AP3M1: variants seen among roughly 807,000 people sequenced by gnomAD.
AP3M1 encodes the protein adaptor related protein complex 3 subunit mu 1, also known as AP-3 complex subunit mu-1.
In AP3M1, 29 loss-of-function variants were observed where a neutral mutation model predicts 42.6. That is an observed-to-expected ratio of 0.68 (90% CI 0.51 to 0.93). The LOEUF (loss-of-function observed/expected upper bound fraction) is 0.93. Ranked by LOEUF, AP3M1 falls within the 40% of genes least tolerant of loss-of-function variation. The pLI is 0.00. For synonymous variants in AP3M1, 178 were observed against 175.3 expected (o/e 1.02, Z -0.12); for missense variants, 416 against 510.2 (o/e 0.82, Z 1.78).
Position 74,136,762 on chromosome 10 carries a change from A to G in AP3M1, c.315T>C (p.Asn105=), listed in dbSNP as rs1444055719. The G allele has an allele frequency of 6.4e-7, 1 of 1,552,392 alleles. No individual in the cohort carries two copies. The highest frequency in any genetic ancestry group is 1.7e-5 in the Admixed American group (1 of 58,348). Residue 105 remains asparagine, a synonymous_variant, in exon 3 of 9, where the codon AAT becomes AAC. Transcript: ENST00000355264. ...GECSEAAIKD[N]VVIVYELLEE... is the part of the protein sequence containing the mutation. ...CTAAGAGTTCATATACTATGACCAC[A>G]TTATCCTTAATTGCAGCCTCTGAAC...
chr10:74,126,179 T>C lies in AP3M1; in HGVS notation c.980A>G (p.Gln327Arg). 6.2e-7 allele frequency: 1 copy of C among 1,614,196 alleles called. No homozygotes were observed. ...GACTGGATCAAATGTATAGCTGCCT[T>C]GTGTGGGTGTCAGGTTCATGTTCAG... ...VVLNMNLTPTQGSYTFDPVTK... is the reference protein window; with the variant it reads ...VVLNMNLTPTRGSYTFDPVTK... Residue 327 changes from glutamine (Q) to arginine (R), a missense_variant, in exon 7 of 9, where the codon CAA (glutamine) becomes CGA (arginine). Coordinates refer to ENST00000355264, the MANE Select transcript of AP3M1 (RefSeq NM_012095.6).
In AP3M1 at chr10:74,139,220, A is replaced by AC. The variant is rs1491260834; in HGVS notation, c.-3-839_-3-838insG. Among the ~76,000 whole-genome samples the AC allele has an allele frequency of 2.3e-4, 35 of 151,114 alleles. No individual in the cohort carries two copies. In the East Asian group the frequency reaches 3.9e-3, roughly 17 times the overall value. On this transcript the variant is annotated intron_variant, in intron 1 of 8. Transcript: ENST00000355264. Reference sequence around the variant, plus strand: ...AATCCTAAGGAATCCACACACACACAAAAAAAAACCTATTAGAGCTAATAA... The same window carrying AC: ...AATCCTAAGGAATCCACACACACACACAAAAAAAACCTATTAGAGCTAATAA...
chr10:74,127,936 A>G (rs986986386), intron 6 of AP3M1, among the ~76,000 whole-genome samples: 8 of 151,408 alleles, frequency 5.3e-5, no homozygotes, highest in African/African-American at 1.9e-4. Flanking sequence ...CCCCGCCTCT[A>G]CTAAAAACAC....
At chr10:74,124,648 AT>A in intron 7 of AP3M1, 124 bp from the exon 8 acceptor site, 2 of 756,376 alleles carry the variant, frequency 2.6e-6, no homozygotes, top group Non-Finnish European at 4.1e-6. Flanking sequence ...AAAACAAGAG[AT>A]CTGGCATCTA....
At chr10:74,149,296 T>G (rs1841452355) in intron 1 of AP3M1, among the ~76,000 whole-genome samples, 11 of 105,696 alleles carry the variant, frequency 1.0e-4, no homozygotes, top group Non-Finnish European at 1.9e-4. Context: ...TTTTTTTTTT[T>G]TTTTTTTTTT....
At position 74,129,248 on chromosome 10, in the gene AP3M1, G is replaced by C; in HGVS notation, c.670-7C>G. On this transcript the variant is annotated splice_polypyrimidine_tract_variant and splice_region_variant and intron_variant, in intron 5 of 8. Transcript: ENST00000355264. ...CATCCAGAAGCCTAGGGTTCTGCCA[G>C]AAAAACAGAAGACAGTCGTTCATAG... The C allele has an allele frequency of 1.9e-6, 3 of 1,613,086 alleles. No homozygotes were observed. The highest frequency in any genetic ancestry group is 2.5e-6 in the Non-Finnish European group (3 of 1,179,760).
intron 1 of AP3M1, among the ~76,000 whole-genome samples, chr10:74,148,814 C>G (rs1247225947): frequency 1.3e-5 from 2 of 152,088 alleles, no homozygotes; most frequent in African/African-American, 4.8e-5. Context: ...GCCTCACCCA[C>G]CCAAAGTGCT....
intron 1 of AP3M1, among the ~76,000 whole-genome samples, chr10:74,144,603 A>T (rs966233027): frequency 2.2e-4 from 34 of 152,228 alleles, no homozygotes; most frequent in Middle Eastern, 3.4e-3. Context: ...AAATTTAAAT[A>T]ACCATATATG....
At chr10:74,123,975 A>G in intron 8 of AP3M1, 65 bp from the exon 9 acceptor site, 3 of 1,366,744 alleles carry the variant, frequency 2.2e-6, no homozygotes, top group Non-Finnish European at 3.1e-6. Flanking sequence ...GTTAGCAATG[A>G]GCGCTATATG....
chr10:74,148,501 A>T (rs1841403253), intron 1 of AP3M1, among the ~76,000 whole-genome samples: 1 of 152,196 alleles, frequency 6.6e-6, no homozygotes. Flanking sequence ...GTACTGAGCT[A>T]CTTAAAAATA....
intron 1 of AP3M1, among the ~76,000 whole-genome samples, chr10:74,144,111 G>A (rs1304107171): frequency 4.6e-5 from 7 of 151,940 alleles, no homozygotes; most frequent in Non-Finnish European, 8.8e-5. Flanking sequence ...ACAGGAGCCC[G>A]CCACCACGCC....
Position 74,126,214 on chromosome 10 carries a change from T to C in AP3M1, c.945A>G (p.Pro315=), listed in dbSNP as rs371611282. The change falls in exon 7 of 9, where the codon CCA becomes CCG. Residue 315 remains proline (P), a synonymous_variant. Transcript: ENST00000355264. ...IEGITVTVHM[P]KVVLNMNLTP... is the part of the protein sequence containing the mutation. The stretch of plus-strand genomic sequence containing the variant: ...TCAGGTTCATGTTCAGCACAACTTT[T>C]GGCATGTGAACTGTCACTGTAATTC... 162 of 1,614,248 alleles carry C rather than the reference T, an allele frequency of 1.0e-4. No individual in the cohort carries two copies. In the Middle Eastern group the frequency reaches 5.3e-3, roughly 53 times the overall value.
rs150191950 is a variant in AP3M1, at chr10:74,138,269, C to T, written c.111G>A (p.Glu37=). Residue 37 remains glutamate, a synonymous_variant, in exon 2 of 9, where the codon GAG becomes GAA. Transcript: ENST00000355264. ...GTACATTTTCAACATCAGCAGCTTT[C>T]TCTTGAGCTTCAAAGAAATAATCAC... ...SVCDYFFEAQ[E]KAADVENVPP... 1,302 of 1,613,956 alleles carry T rather than the reference C, an allele frequency of 8.1e-4. 9 individuals are homozygous for T. The East Asian group carries it at 0.015, about 19-fold the overall frequency.
intron 2 of AP3M1, 120 bp downstream of exon 2, chr10:74,137,987 G>T: frequency 1.9e-6 from 2 of 1,054,540 alleles, no homozygotes; most frequent in Non-Finnish European, 2.7e-6. Context: ...ATGAATTTAC[G>T]CTTAAACAGA....
Position 74,123,930 on chromosome 10 carries a change from A to G in AP3M1, c.1157-20T>C, listed in dbSNP as rs1840542447. The G allele has an allele frequency of 1.3e-6, 2 of 1,594,940 alleles. No homozygotes were observed. The highest frequency in any genetic ancestry group is 1.7e-5 in the Admixed American group (1 of 59,896). ...TTAAGCCTGTATCAAAAAGAATGAA[A>G]AAGAATAAATTATCATCATCCCAAC... On this transcript the variant is annotated intron_variant, in intron 8 of 8. Coordinates refer to ENST00000355264, the MANE Select transcript of AP3M1 (RefSeq NM_012095.6).
intron 2 of AP3M1, 116 bp from the exon 3 acceptor site, chr10:74,136,919 A>AAC (rs1840966419): frequency 4.6e-6 from 3 of 657,918 alleles, no homozygotes; most frequent in Non-Finnish European, 6.9e-6. Context: ...TAAGCTGCTG[A>AAC]ACATATATAA....
intron 1 of AP3M1, among the ~76,000 whole-genome samples, chr10:74,141,121 C>T (rs1046816284): frequency 6.6e-6 from 1 of 152,124 alleles, no homozygotes; most frequent in Non-Finnish European, 1.5e-5. Flanking sequence ...CTTAAAGGGA[C>T]CCCTATCCGG....
chr10:74,130,573 T>C (rs1277285530), intron 4 of AP3M1, among the ~76,000 whole-genome samples: 1 of 151,826 alleles, frequency 6.6e-6, no homozygotes, highest in Non-Finnish European at 1.5e-5. Flanking sequence ...CCCAAGCAGC[T>C]GGTACTACAG....
At chr10:74,123,959 TATA>T in intron 8 of AP3M1, 49 bp from the exon 9 acceptor site, 1 of 1,513,166 alleles carries the variant, frequency 6.6e-7, no homozygotes, top group African/African-American at 1.4e-5. Flanking sequence ...TCCCAACCAA[TATA>T]ATGTTAGCAA....
Sources: gnomAD v4.1 joint callset for allele counts (sites outside exome capture counted in the v4.1 genomes callset) on GRCh38, gnomAD v4.1.1 for gene constraint, MANE v1.5 for transcripts, NCBI Gene and HGNC (gene_info 2026-07-23, HGNC 2026-07-21) for gene names.